Variants in ADD3 observed in about 807,000 individuals in gnomAD.
The protein encoded by ADD3 is gamma-adducin.
In ADD3, 25 loss-of-function variants were observed where a neutral mutation model predicts 80.2. The observed-to-expected ratio is 0.31, with a 90% CI of 0.23 to 0.44. The LOEUF is 0.44. Among genes scored for constraint, ADD3 ranks in the 20% least tolerant of loss-of-function variants. The probability of loss-of-function intolerance (pLI) is 1.00; values close to 1 mark genes in which losing one functional copy is unlikely to be tolerated. For synonymous variants in ADD3, 284 were observed against 289.6 expected (o/e 0.98, Z 0.20); for missense variants, 829 against 847.5 (o/e 0.98, Z 0.27).
chr10:110,132,645 T>A (rs1423780829), intron 14 of ADD3: 2 of 423,252 alleles, frequency 4.7e-6, no homozygotes, highest in Non-Finnish European at 8.5e-6. Context: ...TTTGTGGAAT[T>A]GGCTGGGCGC....
intron 1 of ADD3, among the ~76,000 whole-genome samples, chr10:110,067,826 C>T (rs1844162927): frequency 6.6e-6 from 1 of 152,188 alleles, no homozygotes; most frequent in African/African-American, 2.4e-5. Flanking sequence ...ATAAGGTATA[C>T]ATCGCTTTTC....
intron 1 of ADD3, among the ~76,000 whole-genome samples, chr10:110,055,235 C>T (rs762033598): frequency 5.3e-5 from 8 of 152,046 alleles, no homozygotes; most frequent in Non-Finnish European, 8.8e-5. Context: ...ACTTCTTGCC[C>T]GGGTGTTCTG....
At chr10:110,063,030 G>A (rs189855577) in intron 1 of ADD3, among the ~76,000 whole-genome samples, 1 of 152,276 alleles carries the variant, frequency 6.6e-6, no homozygotes, top group African/African-American at 2.4e-5. Context: ...TATTTGTTGT[G>A]GGTTAGTGGT....
intron 1 of ADD3, among the ~76,000 whole-genome samples, chr10:110,056,854 G>C (rs1330863719): frequency 1.3e-5 from 2 of 152,106 alleles, no homozygotes; most frequent in African/African-American, 4.8e-5. Flanking sequence ...CTGGAGCAAA[G>C]GAAAAACCCT....
chr10:110,127,587 A>C (rs1426350833), intron 12 of ADD3, among the ~76,000 whole-genome samples: 1 of 152,272 alleles, frequency 6.6e-6, no homozygotes, highest in Non-Finnish European at 1.5e-5. Context: ...ACTGTACTCC[A>C]GCCTGGTGAC....
chr10:110,074,189 T>G (rs1184954858), intron 1 of ADD3, among the ~76,000 whole-genome samples: 1 of 152,244 alleles, frequency 6.6e-6, no homozygotes, highest in Non-Finnish European at 1.5e-5. Context: ...TTTTTGGTTT[T>G]GTACTTTTAG....
intron 9 of ADD3, among the ~76,000 whole-genome samples, chr10:110,123,565 C>T (rs755211812): frequency 7.3e-5 from 11 of 151,718 alleles, no homozygotes; most frequent in Non-Finnish European, 1.0e-4. Flanking sequence ...TTTTTGAGTC[C>T]CCTATATATT....
intron 1 of ADD3, among the ~76,000 whole-genome samples, chr10:110,043,906 C>T (rs113733231): frequency 0.022 from 3,332 of 152,118 alleles, 121 homozygotes; most frequent in African/African-American, 0.072. Flanking sequence ...GAGATATGAG[C>T]CTTATAAAAT....
At chr10:110,126,721 A>G (rs890724464) in intron 12 of ADD3, among the ~76,000 whole-genome samples, 2 of 152,120 alleles carry the variant, frequency 1.3e-5, no homozygotes, top group Non-Finnish European at 2.9e-5. Context: ...GTTTCTGGTT[A>G]GTTAGTTGAG....
intron 12 of ADD3, among the ~76,000 whole-genome samples, chr10:110,129,551 T>G (rs572725781): frequency 6.6e-6 from 1 of 152,316 alleles, no homozygotes; most frequent in African/African-American, 2.4e-5. Context: ...TGTTTCCTAT[T>G]CAGACTTTGA....
At chr10:110,043,061 T>C (rs1178391949) in intron 1 of ADD3, among the ~76,000 whole-genome samples, 1 of 152,198 alleles carries the variant, frequency 6.6e-6, no homozygotes, top group African/African-American at 2.4e-5. Context: ...TGATCAAGAA[T>C]GTTGACTTTG....
chr10:110,091,395 A>G (rs1847489940), intron 1 of ADD3, among the ~76,000 whole-genome samples: 1 of 152,212 alleles, frequency 6.6e-6, no homozygotes, highest in Non-Finnish European at 1.5e-5. Flanking sequence ...CTACAAGACT[A>G]CAGTAACTAA....
intron 1 of ADD3, among the ~76,000 whole-genome samples, chr10:110,055,592 G>C (rs919117369): frequency 2.0e-5 from 3 of 151,934 alleles, no homozygotes; most frequent in African/African-American, 4.8e-5. Context: ...AATGGATAAA[G>C]TATAAGTGAG....
chr10:110,001,414 CAAAA>C (rs35498781), upstream of ADD3, among the ~76,000 whole-genome samples: 10 of 120,298 alleles, frequency 8.3e-5, no homozygotes, highest in Admixed American at 8.1e-5. Flanking sequence ...GACCCTGTCT[CAAAA>C]AAAAAAAAAA....
chr10:110,001,464 G>T (rs1357270544), upstream of ADD3, among the ~76,000 whole-genome samples: 1 of 151,150 alleles, frequency 6.6e-6, no homozygotes, highest in Non-Finnish European at 1.5e-5. Context: ...TAAATATTTT[G>T]CACACATTTA....
chr10:110,055,994 A>G (rs1287504155), intron 1 of ADD3, among the ~76,000 whole-genome samples: 1 of 152,206 alleles, frequency 6.6e-6, no homozygotes, highest in Non-Finnish European at 1.5e-5. Flanking sequence ...TGGCCTAGCT[A>G]AATGTGCAGA....
chr10:110,126,214 G>A (rs1355433383), intron 11 of ADD3, among the ~76,000 whole-genome samples: 1 of 152,188 alleles, frequency 6.6e-6, no homozygotes, highest in African/African-American at 2.4e-5. Flanking sequence ...AACAACCTAA[G>A]ACGAAAGGAA....
rs965981979 is a variant in ADD3 at position 110,134,693 on chromosome 10, C to T, written c.*1075C>T. ...CTAGTTTGATGGTGACTCATATTCA[C>T]GATAGGATACAAAGTGTGATTTGTT... On this transcript the variant is annotated 3_prime_UTR_variant, in exon 15 of 15. Transcript: ENST00000356080. 1 of 152,570 alleles carries T rather than the reference C, an allele frequency of 6.6e-6. No homozygotes were observed. The highest frequency in any genetic ancestry group is 2.4e-5 in the African/African-American group (1 of 41,420). The allele number at this position is 152,570 out of a possible 1,614,324, so 9.5% of individuals were successfully genotyped here.
intron 1 of ADD3, among the ~76,000 whole-genome samples, chr10:110,067,109 TA>T (rs767993518): frequency 2.0e-5 from 3 of 152,184 alleles, no homozygotes; most frequent in African/African-American, 7.2e-5. Flanking sequence ...TAGTGCCTTT[TA>T]AAAAAATTCC....
Sources: allele counts gnomAD v4.1 joint callset (sites outside exome capture counted in the v4.1 genomes callset), GRCh38; gene constraint gnomAD v4.1.1; transcripts MANE v1.5; gene names NCBI Gene and HGNC (gene_info 2026-07-23, HGNC 2026-07-21).